Variants in EYS observed in about 807,000 individuals in gnomAD.
The protein encoded by EYS is EGF-like photoreceptor maintenance factor.
Under a neutral mutation model 282.1 loss-of-function variants are expected in EYS, and 250 were observed. The ratio of observed to expected loss-of-function variants is 0.89; its 90% confidence interval spans 0.80 to 0.98. EYS has a LOEUF of 0.98. EYS is among the 50% of genes least tolerant of loss of function. EYS has a pLI of 0.00. For synonymous variants in EYS, 1,355 were observed against 1,282.9 expected (o/e 1.06, Z -1.20); for missense variants, 4,016 against 3,709.0 (o/e 1.08, Z -2.15).
rs1188686396 is a variant in EYS at position 64,930,347 on chromosome 6, A to C, written c.2381+15446T>G. The stretch of plus-strand genomic sequence containing the variant: ...AACCTCCGGTTTTTGTGAAGGAAAA[A>C]TCTTTTAACTCTTAAAGATAGATAT... On this transcript the variant is annotated intron_variant, in intron 15 of 42. Transcript: ENST00000503581. 7.2e-5 allele frequency among the ~76,000 whole-genome samples: 11 copies of C among 152,002 alleles called. No homozygotes were observed. The East Asian group carries it at 1.9e-3, about 27-fold the overall frequency.
At chr6:63,925,860 G>C (rs1055998331) in intron 35 of EYS, among the ~76,000 whole-genome samples, 8 of 152,028 alleles carry the variant, frequency 5.3e-5, no homozygotes, top group Non-Finnish European at 1.2e-4. Context: ...TAGCCAGGAT[G>C]GTCTAGATCT....
chr6:64,835,248 C>T (rs1364651712), intron 19 of EYS, among the ~76,000 whole-genome samples: 2 of 151,660 alleles, frequency 1.3e-5, no homozygotes, highest in East Asian at 1.9e-4. Context: ...TCCATCACAC[C>T]ACTGGAAAGG....
intron 12 of EYS, among the ~76,000 whole-genome samples, chr6:65,112,829 ATACTT>A (rs1489333442): frequency 6.6e-6 from 1 of 152,156 alleles, no homozygotes; most frequent in Non-Finnish European, 1.5e-5. Flanking sequence ...AGATAATAAA[ATACTT>A]TACTAAGTAG....
At chr6:64,255,550 T>C (rs938673146) in intron 30 of EYS, among the ~76,000 whole-genome samples, 3 of 152,108 alleles carry the variant, frequency 2.0e-5, no homozygotes, top group African/African-American at 7.2e-5. Context: ...TCAAGACATT[T>C]TGATTTGTTT....
chr6:64,746,860 T>C (rs1172703444), intron 22 of EYS, among the ~76,000 whole-genome samples: 1 of 152,256 alleles, frequency 6.6e-6, no homozygotes, highest in African/African-American at 2.4e-5. Context: ...TGCAATTTTA[T>C]GATTATAAGA....
intron 22 of EYS, among the ~76,000 whole-genome samples, chr6:64,675,433 T>TTC (rs951804361): frequency 9.2e-5 from 13 of 141,296 alleles, no homozygotes; most frequent in Non-Finnish European, 1.1e-4. Context: ...TTTTTCTTTT[T>TTC]TTTTTTTTTT....
intron 12 of EYS, among the ~76,000 whole-genome samples, chr6:65,276,655 A>G (rs1562066643): frequency 6.6e-6 from 1 of 150,794 alleles, no homozygotes; most frequent in Non-Finnish European, 1.5e-5. Context: ...AAAGGAAAAC[A>G]GAAAACAACT....
At chr6:64,305,056 C>A (rs997014900) in intron 30 of EYS, among the ~76,000 whole-genome samples, 1 of 152,116 alleles carries the variant, frequency 6.6e-6, no homozygotes, top group African/African-American at 2.4e-5. Context: ...ATTGACAAAT[C>A]TTTAGTTAGA....
chr6:65,647,285 C>G (rs948971468), intron 1 of EYS, among the ~76,000 whole-genome samples: 1 of 152,094 alleles, frequency 6.6e-6, no homozygotes, highest in Non-Finnish European at 1.5e-5. Flanking sequence ...GCCATAGTCA[C>G]CAAAACAGCA....
chr6:63,747,731 T>C (rs568935069), intron 41 of EYS, among the ~76,000 whole-genome samples: 1 of 152,318 alleles, frequency 6.6e-6, no homozygotes, highest in Non-Finnish European at 1.5e-5. Flanking sequence ...TTGACCTTTG[T>C]TGGTTTCAAG....
At chr6:64,448,776 C>A (rs1159463042) in intron 26 of EYS, among the ~76,000 whole-genome samples, 1 of 152,216 alleles carries the variant, frequency 6.6e-6, no homozygotes, top group African/African-American at 2.4e-5. Flanking sequence ...TAAACTCCAA[C>A]AGACCTGCAG....
intron 8 of EYS, among the ~76,000 whole-genome samples, chr6:65,355,672 T>C (rs991323586): frequency 1.3e-5 from 2 of 151,984 alleles, no homozygotes; most frequent in Admixed American, 6.6e-5. Context: ...ACAAGTGACA[T>C]GAATAGACAT....
At chr6:65,254,003 G>T (rs890657311) in intron 12 of EYS, among the ~76,000 whole-genome samples, 15 of 151,744 alleles carry the variant, frequency 9.9e-5, no homozygotes, top group Non-Finnish European at 1.3e-4. Flanking sequence ...GCTTAAAAGT[G>T]CTTTATATCT....
At chr6:64,311,395 T>TA in intron 29 of EYS, among the ~76,000 whole-genome samples, 1 of 152,182 alleles carries the variant, frequency 6.6e-6, no homozygotes, top group Non-Finnish European at 1.5e-5. Flanking sequence ...TATCTTCATT[T>TA]AAAAAATTGT....
At chr6:63,992,175 G>GGTAT (rs1413895542) in intron 34 of EYS, among the ~76,000 whole-genome samples, 4 of 151,698 alleles carry the variant, frequency 2.6e-5, no homozygotes, top group Non-Finnish European at 5.9e-5. Context: ...AAAAATGGTA[G>GGTAT]GTATGTATAC....
chr6:64,128,446 A>T (rs1033121641), intron 31 of EYS, among the ~76,000 whole-genome samples: 1 of 152,142 alleles, frequency 6.6e-6, no homozygotes, highest in South Asian at 2.1e-4. Context: ...GGAAGATACT[A>T]TCCCTCAGAT....
intron 1 of EYS, among the ~76,000 whole-genome samples, chr6:65,642,275 G>T (rs1483918372): frequency 6.6e-6 from 1 of 151,908 alleles, no homozygotes; most frequent in African/African-American, 2.4e-5. Context: ...TATGTACCTG[G>T]CTACCTTTGA....
chr6:65,468,499 T>G (rs1441172635), intron 5 of EYS, among the ~76,000 whole-genome samples: 1 of 151,686 alleles, frequency 6.6e-6, no homozygotes, highest in Non-Finnish European at 1.5e-5. Flanking sequence ...ATTTATTTAT[T>G]TAGTTAGTTA....
chr6:64,851,043 A>G (rs1403570904), intron 19 of EYS, among the ~76,000 whole-genome samples: 2 of 152,080 alleles, frequency 1.3e-5, no homozygotes, highest in East Asian at 3.9e-4. Context: ...GTTTGGCAGT[A>G]TTTAAAATGA....
Sources: allele counts gnomAD v4.1 joint callset (sites outside exome capture counted in the v4.1 genomes callset), GRCh38; gene constraint gnomAD v4.1.1; transcripts MANE v1.5; gene names NCBI Gene and HGNC (gene_info 2026-07-23, HGNC 2026-07-21).